Variants in NCS1 observed in about 807,000 individuals in gnomAD.
NCS1 encodes frequenin homolog.
In NCS1, 6 loss-of-function variants were observed where a neutral mutation model predicts 28.4. The observed-to-expected ratio is 0.21, with a 90% confidence interval of 0.12 to 0.42. The LOEUF (loss-of-function observed/expected upper bound fraction) is 0.42, where lower values mean the gene tolerates loss of function less well. Ranked by LOEUF, NCS1 falls within the 10% of genes least tolerant of loss-of-function variation. The probability of loss-of-function intolerance (pLI) is 1.00; values close to 1 mark genes in which losing one functional copy is unlikely to be tolerated. For missense variants in NCS1, 131 were observed against 241.4 expected (o/e 0.54, Z 3.03); for synonymous variants, 86 against 99.3 (o/e 0.87, Z 0.79).
intron 1 of NCS1, among the ~76,000 whole-genome samples, chr9:130,189,882 AT>A (rs1564704654): frequency 6.4e-4 from 28 of 43,682 alleles, no homozygotes; most frequent in African/African-American, 2.1e-3. Context: ...AAAAAAAAAT[AT>A]ATATATATAT....
intron 1 of NCS1, among the ~76,000 whole-genome samples, chr9:130,176,813 G>A (rs1184283053): frequency 6.6e-6 from 1 of 152,254 alleles, no homozygotes; most frequent in African/African-American, 2.4e-5. Flanking sequence ...GAGGAAAGCA[G>A]CCGGGTTATC....
chr9:130,203,119 T>C (rs1832978809), intron 2 of NCS1, among the ~76,000 whole-genome samples: 4 of 119,422 alleles, frequency 3.3e-5, no homozygotes, highest in African/African-American at 1.2e-4. Flanking sequence ...TGTGCGTGTG[T>C]ATGTATATAT....
chr9:130,196,697 C>T (rs554246213), intron 1 of NCS1, among the ~76,000 whole-genome samples: 1 of 152,172 alleles, frequency 6.6e-6, no homozygotes, highest in East Asian at 1.9e-4. Flanking sequence ...CCAGATCAAC[C>T]ATTGCACTCT....
At chr9:130,194,330 C>T (rs555703557) in intron 1 of NCS1, among the ~76,000 whole-genome samples, 4 of 152,272 alleles carry the variant, frequency 2.6e-5, no homozygotes, top group East Asian at 3.9e-4. Context: ...GGAGCGCTGC[C>T]GGGGTGGAAA....
chr9:130,191,562 G>A lies in NCS1; in HGVS notation c.65-9396G>A, dbSNP rs571863382. On this transcript the variant is annotated intron_variant, in intron 1 of 7. Transcript: ENST00000372398. This position sits in a 1 kb window ranked among gnomAD's most constrained non-coding sequence, Gnocchi z 6.4. The stretch of plus-strand genomic sequence containing the variant: ...GGGGTGGTCAGAGCCTGGTCAGCTG[G>A]ATGGCCGTGGGCATGGGGCTCCCCT... Among the ~76,000 whole-genome samples, 42 of 152,324 alleles carry A rather than the reference G, an allele frequency of 2.8e-4. No homozygotes were observed. The highest frequency in any genetic ancestry group is 4.9e-4 in the Non-Finnish European group (33 of 68,024).
At position 130,235,419 on chromosome 9, in the gene NCS1, G is replaced by A. The variant is rs1833571214; in HGVS notation, c.*2447G>A. 6.6e-6 allele frequency: 1 copy of A among 152,496 alleles called. No individual in the cohort carries two copies. Among genetic ancestry groups the A allele is most frequent in the African/African-American group, 2.4e-5 (1 of 41,462 alleles). 9.4% of individuals were successfully genotyped at this position (152,496 alleles called of 1,614,324 possible). A position where few individuals can be genotyped will look rare whatever the true frequency, so the allele number is the denominator to read the frequency against. On this transcript the variant is annotated 3_prime_UTR_variant, in exon 8 of 8. Coordinates refer to ENST00000372398, the MANE Select transcript of NCS1 (RefSeq NM_014286.4). ...GCTCGATTTGCCTCTCTGGTCCAAT[G>A]GGACTGACACTGTTGTACAACCTGA...
In NCS1 at chr9:130,181,810, G is replaced by A. The variant is rs1444194123; in HGVS notation, c.64+9083G>A. On this transcript the variant is annotated intron_variant, in intron 1 of 7. Coordinates refer to ENST00000372398, the MANE Select transcript of NCS1 (RefSeq NM_014286.4). This position sits in a 1 kb window ranked among gnomAD's most constrained non-coding sequence, Gnocchi z 5.0. Reference sequence around the variant, plus strand: ...CGATTCACGTGGGCACGCTCCGAGCGTGAGTGACGGGGTCATGGCGTGTGT... The same window carrying A: ...CGATTCACGTGGGCACGCTCCGAGCATGAGTGACGGGGTCATGGCGTGTGT... 2.6e-5 allele frequency among the ~76,000 whole-genome samples: 4 copies of A among 152,150 alleles called. No homozygotes were observed. The highest frequency in any genetic ancestry group is 5.9e-5 in the Non-Finnish European group (4 of 68,020).
At chr9:130,197,188 C>T (rs1554906942) in intron 1 of NCS1, among the ~76,000 whole-genome samples, 2 of 152,188 alleles carry the variant, frequency 1.3e-5, no homozygotes, top group Non-Finnish European at 2.9e-5. Context: ...CAGGTTTGAT[C>T]AAGGACGGTG....
chr9:130,206,329 C>A (rs967150929), intron 2 of NCS1, among the ~76,000 whole-genome samples: 22 of 152,184 alleles, frequency 1.4e-4, no homozygotes, highest in African/African-American at 5.3e-4. Flanking sequence ...ACACCCTGGC[C>A]CATTTTCAGA....
At chr9:130,184,875 C>G (rs1373746658) in intron 1 of NCS1, among the ~76,000 whole-genome samples, 1 of 151,918 alleles carries the variant, frequency 6.6e-6, no homozygotes, top group East Asian at 1.9e-4. Context: ...CTTGATCCGC[C>G]TGTCTCAGCC....
chr9:130,194,394 CTG>C (rs1245229391), intron 1 of NCS1, among the ~76,000 whole-genome samples: 1 of 151,916 alleles, frequency 6.6e-6, no homozygotes, highest in Non-Finnish European at 1.5e-5. Flanking sequence ...AGCCTGGAGT[CTG>C]TGGGCGTGGG....
intron 2 of NCS1, among the ~76,000 whole-genome samples, chr9:130,210,412 A>AG (rs1274173905): frequency 3.3e-5 from 5 of 150,964 alleles, no homozygotes; most frequent in East Asian, 3.9e-4. Flanking sequence ...AAAAAAAAAA[A>AG]AAAGAAAGAA....
At chr9:130,221,833 AAT>A (rs1214497282) in intron 4 of NCS1, among the ~76,000 whole-genome samples, 1 of 105,600 alleles carries the variant, frequency 9.5e-6, no homozygotes, top group Non-Finnish European at 1.9e-5. Context: ...TGTATATATA[AAT>A]ATATATACAT....
At chr9:130,228,783 C>T (rs917656171) in intron 7 of NCS1, among the ~76,000 whole-genome samples, 2 of 151,738 alleles carry the variant, frequency 1.3e-5, no homozygotes, top group Non-Finnish European at 2.9e-5. Context: ...TCTCCTGCCT[C>T]AGCTTCCCGA....
chr9:130,189,922 G>A (rs1458202869), intron 1 of NCS1, among the ~76,000 whole-genome samples: 6 of 125,802 alleles, frequency 4.8e-5, no homozygotes, highest in Non-Finnish European at 7.9e-5. Context: ...CCAAGGTCTC[G>A]AAGGCCCCAA....
chr9:130,213,812 C>G (rs1467024324), intron 2 of NCS1, among the ~76,000 whole-genome samples: 10 of 152,150 alleles, frequency 6.6e-5, no homozygotes, highest in Non-Finnish European at 1.5e-5. Context: ...CTCCTGACCT[C>G]AAATGATCCG....
intron 2 of NCS1, among the ~76,000 whole-genome samples, chr9:130,202,720 C>T (rs543096110): frequency 6.6e-6 from 1 of 152,092 alleles, no homozygotes; most frequent in Non-Finnish European, 1.5e-5. Flanking sequence ...GCTGGGACTA[C>T]AGGTGTGTGC....
Position 130,219,868 on chromosome 9 carries a change from C to A in NCS1, c.307+65C>A. On this transcript the variant is annotated intron_variant, in intron 4 of 7. Coordinates refer to ENST00000372398, the MANE Select transcript of NCS1 (RefSeq NM_014286.4). This position sits in a 1 kb window ranked among gnomAD's most constrained non-coding sequence, Gnocchi z 5.7. The stretch of plus-strand genomic sequence containing the variant: ...AGGGCCCAGGTCAGAGGGAGGCAGC[C>A]CTCGGCCCTCACCAGGCAGGGGTGC... 1 of 1,538,646 alleles carries A rather than the reference C, an allele frequency of 6.5e-7. No individual in the cohort carries two copies.
chr9:130,175,188 C>G lies in NCS1; in HGVS notation c.64+2461C>G, dbSNP rs1445064911. ...GTGTGGAGCTCACAGCTGTGTTCCC[C>G]CCATGTGTTGGCCTTTAGTAGGTTC... On this transcript the variant is annotated intron_variant, in intron 1 of 7. Transcript: ENST00000372398. This position sits in a 1 kb window ranked among gnomAD's most constrained non-coding sequence, Gnocchi z 4.9. 6.6e-6 allele frequency among the ~76,000 whole-genome samples: 1 copy of G among 152,074 alleles called. No homozygotes were observed. Among genetic ancestry groups the G allele is most frequent in the Non-Finnish European group, 1.5e-5 (1 of 68,026 alleles).
Sources: allele counts gnomAD v4.1 joint callset (sites outside exome capture counted in the v4.1 genomes callset), GRCh38; gene constraint gnomAD v4.1.1; non-coding constraint Gnocchi (gnomAD v3.1); transcripts MANE v1.5; gene names NCBI Gene and HGNC (gene_info 2026-07-23, HGNC 2026-07-21).